The following GLCCI1 variants were observed in gnomAD, a reference collection of about 807,000 sequenced individuals.
GLCCI1 encodes the protein glucocorticoid-induced transcript 1 protein.
GLCCI1 carries 24 observed loss-of-function variants against 52.2 expected under a neutral mutation model. That is an observed-to-expected ratio of 0.46 (90% CI 0.33 to 0.65). The LOEUF (loss-of-function observed/expected upper bound fraction) is 0.65, where lower values mean the gene tolerates loss of function less well. Ranked by LOEUF, GLCCI1 falls within the 30% of genes least tolerant of loss-of-function variation. The pLI is 0.02. For synonymous variants in GLCCI1, 310 were observed against 276.5 expected (o/e 1.12, Z -1.20); for missense variants, 704 against 701.5 (o/e 1.00, Z -0.04).
At position 8,086,097 on chromosome 7, in the gene GLCCI1, C is replaced by T; in HGVS notation, c.1299-96C>T. On this transcript the variant is annotated intron_variant, in intron 7 of 7. Coordinates refer to ENST00000223145, the MANE Select transcript of GLCCI1 (RefSeq NM_138426.4). The surrounding 1 kb of genome is among the most constrained non-coding windows in gnomAD (Gnocchi z 4.4). Reference sequence around the variant, plus strand: ...CACTTAACCCATCTCCTGCCATTTACATTTTAGCTGTTTTAGAGAACTCCA... The same window carrying T: ...CACTTAACCCATCTCCTGCCATTTATATTTTAGCTGTTTTAGAGAACTCCA... 1 of 1,040,274 alleles carries T rather than the reference C, an allele frequency of 9.6e-7. No individual in the cohort carries two copies. The highest frequency in any genetic ancestry group is 2.2e-5 in the Admixed American group (1 of 44,508). 64.4% of individuals were successfully genotyped at this position (1,040,274 alleles called of 1,614,324 possible).
intron 1 of GLCCI1, among the ~76,000 whole-genome samples, chr7:7,972,177 A>T (rs1048222620): frequency 1.3e-5 from 2 of 152,124 alleles, no homozygotes; most frequent in Non-Finnish European, 2.9e-5. Flanking sequence ...ACTTGAGTGG[A>T]TTTTAGCCTC....
At chr7:8,010,850 C>G (rs998349796) in intron 2 of GLCCI1, among the ~76,000 whole-genome samples, 1 of 152,116 alleles carries the variant, frequency 6.6e-6, no homozygotes, top group Admixed American at 6.5e-5. Context: ...TACTTTATAT[C>G]ATATTACTGA....
At chr7:8,084,370 G>A (rs1275306042) in intron 6 of GLCCI1, among the ~76,000 whole-genome samples, 1 of 152,100 alleles carries the variant, frequency 6.6e-6, no homozygotes, top group African/African-American at 2.4e-5. Flanking sequence ...TTTTTATGTT[G>A]GGTAGGTAGA....
At chr7:7,977,746 C>T (rs1343605466) in intron 1 of GLCCI1, among the ~76,000 whole-genome samples, 1 of 152,046 alleles carries the variant, frequency 6.6e-6, no homozygotes, top group Non-Finnish European at 1.5e-5. Flanking sequence ...ATTTATTGAG[C>T]CTTTATGCCA....
chr7:8,077,589 G>A (rs1296367762), intron 6 of GLCCI1, among the ~76,000 whole-genome samples: 1 of 152,128 alleles, frequency 6.6e-6, no homozygotes, highest in Non-Finnish European at 1.5e-5. Flanking sequence ...CTATAAATTG[G>A]GGATAGCTGC....
chr7:7,986,381 A>G (rs1159329982), intron 1 of GLCCI1, among the ~76,000 whole-genome samples: 1 of 150,600 alleles, frequency 6.6e-6, no homozygotes, highest in African/African-American at 2.4e-5. Flanking sequence ...GAGCAGGGGG[A>G]GGGGGGGGTG....
intron 3 of GLCCI1, among the ~76,000 whole-genome samples, chr7:8,054,346 T>G (rs1782337161): frequency 1.3e-5 from 2 of 152,192 alleles, no homozygotes; most frequent in African/African-American, 4.8e-5. Context: ...GTGTATCTTT[T>G]GCAAGCACAT....
chr7:8,031,112 C>T (rs1175024844), intron 3 of GLCCI1, among the ~76,000 whole-genome samples: 1 of 152,076 alleles, frequency 6.6e-6, no homozygotes, highest in Non-Finnish European at 1.5e-5. Flanking sequence ...GCAGTGTTCA[C>T]AATAGCCAAG....
At chr7:8,045,749 C>G (rs998337922) in intron 3 of GLCCI1, among the ~76,000 whole-genome samples, 11 of 152,126 alleles carry the variant, frequency 7.2e-5, no homozygotes, top group African/African-American at 2.7e-4. Context: ...AAGTTCCAGT[C>G]TTCTTTATGT....
intron 3 of GLCCI1, among the ~76,000 whole-genome samples, chr7:8,053,294 GT>G (rs1041364379): frequency 7.3e-6 from 1 of 137,102 alleles, no homozygotes; most frequent in Non-Finnish European, 1.6e-5. Flanking sequence ...TCATGGTTTT[GT>G]TTTGTTTTTT....
chr7:8,063,468 C>T (rs765711228), intron 5 of GLCCI1, among the ~76,000 whole-genome samples: 21 of 151,758 alleles, frequency 1.4e-4, no homozygotes, highest in Non-Finnish European at 2.1e-4. Context: ...TTTTAATAAC[C>T]GTTCTAACTG....
chr7:8,038,198 A>C (rs1781911387), intron 3 of GLCCI1, among the ~76,000 whole-genome samples: 1 of 152,200 alleles, frequency 6.6e-6, no homozygotes, highest in East Asian at 1.9e-4. Flanking sequence ...ATATGGTTAA[A>C]ATTGCCACCT....
At position 8,087,116 on chromosome 7, in the gene GLCCI1, C is replaced by T. The variant is rs1485305040; in HGVS notation, c.*578C>T. 6.6e-6 allele frequency: 1 copy of T among 152,602 alleles called. No homozygotes were observed. The highest frequency in any genetic ancestry group is 1.5e-5 in the Non-Finnish European group (1 of 68,058). 9.5% of individuals were successfully genotyped at this position (152,602 alleles called of 1,614,324 possible). A position where few individuals can be genotyped will look rare whatever the true frequency, so the allele number is the denominator to read the frequency against. On this transcript the variant is annotated 3_prime_UTR_variant, in exon 8 of 8. Transcript: ENST00000223145. Reference sequence around the variant, plus strand: ...TATTGGGATATTAAATATTTCACAGCTAAAAAGCTAAAGAGGGAACATCAC... The same window carrying T: ...TATTGGGATATTAAATATTTCACAGTTAAAAAGCTAAAGAGGGAACATCAC...
chr7:8,038,458 TA>T (rs1383915954), intron 3 of GLCCI1, among the ~76,000 whole-genome samples: 1 of 152,054 alleles, frequency 6.6e-6, no homozygotes, highest in Non-Finnish European at 1.5e-5. Flanking sequence ...AACCCAGAAA[TA>T]AAGTCAACTG....
intron 6 of GLCCI1, 91 bp from the exon 7 acceptor site, chr7:8,084,806 G>T: frequency 7.6e-7 from 1 of 1,312,300 alleles, no homozygotes; most frequent in Non-Finnish European, 1.1e-6. Context: ...AGGGGCAGTA[G>T]TGGATAAATT....
At chr7:8,055,625 T>G (rs1306282416) in intron 4 of GLCCI1, 76 bp downstream of exon 4, 4 of 857,796 alleles carry the variant, frequency 4.7e-6, no homozygotes, top group African/African-American at 1.7e-5. Flanking sequence ...TTTCAGCATT[T>G]AAAAAAACCC....
rs545482020 is a variant in GLCCI1, at chr7:7,999,715, G to T, written c.458-4193G>T. Among the ~76,000 whole-genome samples, 16 of 152,250 alleles carry T rather than the reference G, an allele frequency of 1.1e-4. No individual in the cohort carries two copies. In the East Asian group the frequency reaches 2.1e-3, roughly 20 times the overall value. On this transcript the variant is annotated intron_variant, in intron 1 of 7. Coordinates refer to ENST00000223145, the MANE Select transcript of GLCCI1 (RefSeq NM_138426.4). ...AGCCCAGGAGTTTGAGACCAGCCTG[G>T]TCAACATAGTGAGGCCTCATCTCTA...
At chr7:7,991,942 A>T (rs558571091) in intron 1 of GLCCI1, among the ~76,000 whole-genome samples, 3 of 152,168 alleles carry the variant, frequency 2.0e-5, no homozygotes, top group African/African-American at 4.8e-5. Context: ...TCTCCTCTAG[A>T]TTGAGCAGGA....
At position 8,071,005 on chromosome 7, in the gene GLCCI1, C is replaced by T; in HGVS notation, c.1051C>T (p.Pro351Ser). 1 of 1,614,202 alleles carries T rather than the reference C, an allele frequency of 6.2e-7. No individual in the cohort carries two copies. The highest frequency in any genetic ancestry group is 8.5e-7 in the Non-Finnish European group (1 of 1,180,032). Residue 351 changes from proline to serine, a missense_variant, in exon 6 of 8, where the codon CCT becomes TCT. This residue lies in a region of GLCCI1 where 547 missense variants were observed against 524.8 expected (regional missense o/e 1.04). Transcript: ENST00000223145. ...TACTCGCAGCATTGACACTCAGACTCCTTCTGTCCAGGAGCGCAGCAGTAG... is the reference window on the plus strand; with the variant it reads ...TACTCGCAGCATTGACACTCAGACTTCTTCTGTCCAGGAGCGCAGCAGTAG... ...SSTRSIDTQTPSVQERSSSCS... is the reference protein window; with the variant it reads ...SSTRSIDTQTSSVQERSSSCS...
Sources: allele counts gnomAD v4.1 joint callset (sites outside exome capture counted in the v4.1 genomes callset), GRCh38; gene constraint gnomAD v4.1.1; regional missense constraint gnomAD v4.1.1; non-coding constraint Gnocchi (gnomAD v3.1); transcripts MANE v1.5; gene names NCBI Gene and HGNC (gene_info 2026-07-23, HGNC 2026-07-21).